The following GMDS variants were observed in gnomAD, a reference collection of about 807,000 sequenced individuals.
GMDS encodes the protein GDP-mannose 4,6-dehydratase, also known as GDP-mannose 4,6 dehydratase.
GMDS carries 20 observed loss-of-function variants against 49.9 expected under a neutral mutation model. The ratio of observed to expected loss-of-function variants is 0.40; its 90% CI spans 0.28 to 0.58. GMDS has a LOEUF of 0.58. GMDS is among the 20% of genes least tolerant of loss of function. The pLI, the probability that GMDS is intolerant of heterozygous loss-of-function variation, is 0.42. For synonymous variants in GMDS, 177 were observed against 178.6 expected, an observed-to-expected ratio of 0.99 and a Z score of 0.07; for missense variants, 362 against 481.4, an observed-to-expected ratio of 0.75 and a Z score of 2.32.
intron 7 of GMDS, among the ~76,000 whole-genome samples, chr6:1,744,717 G>A (rs1435573439): frequency 6.6e-6 from 1 of 152,238 alleles, no homozygotes; most frequent in African/African-American, 2.4e-5. Flanking sequence ...GGCCTAGTGA[G>A]CAGCTGCTCC....
intron 1 of GMDS, among the ~76,000 whole-genome samples, chr6:2,165,743 A>G (rs1777632575): frequency 6.6e-6 from 1 of 152,252 alleles, no homozygotes. Context: ...ACAACAGAAT[A>G]TTCTCCACAG....
chr6:2,177,335 T>A (rs1257911597), intron 1 of GMDS, among the ~76,000 whole-genome samples: 1 of 151,980 alleles, frequency 6.6e-6, no homozygotes, highest in Non-Finnish European at 1.5e-5. Flanking sequence ...GACAATCAGA[T>A]GAATAAAAAC....
At chr6:1,926,297 G>A (rs1253838645) in intron 7 of GMDS, among the ~76,000 whole-genome samples, 2 of 152,164 alleles carry the variant, frequency 1.3e-5, no homozygotes, top group East Asian at 3.9e-4. Flanking sequence ...AGAGCACCCT[G>A]TAACACATGC....
chr6:1,649,794 G>C (rs1003044099), intron 9 of GMDS, among the ~76,000 whole-genome samples: 1 of 152,144 alleles, frequency 6.6e-6, no homozygotes, highest in African/African-American at 2.4e-5. Flanking sequence ...CATTTTTACT[G>C]CACTTCGAAG....
At chr6:1,744,130 T>C (rs1767394288) in intron 7 of GMDS, among the ~76,000 whole-genome samples, 1 of 152,226 alleles carries the variant, frequency 6.6e-6, no homozygotes, top group African/African-American at 2.4e-5. Flanking sequence ...AGAAAACTTC[T>C]AAAAAATAAA....
chr6:2,229,388 A>G (rs1780971147), intron 1 of GMDS, among the ~76,000 whole-genome samples: 1 of 148,382 alleles, frequency 6.7e-6, no homozygotes, highest in African/African-American at 2.5e-5. Context: ...TCTGGGCAAC[A>G]TAGAGAGACC....
At chr6:1,708,831 A>G (rs1765840229) in intron 9 of GMDS, among the ~76,000 whole-genome samples, 1 of 152,222 alleles carries the variant, frequency 6.6e-6, no homozygotes, top group African/African-American at 2.4e-5. Context: ...TGGGTTTTAA[A>G]TGTAAAAAAG....
At chr6:2,005,793 A>C (rs1767125713) in intron 4 of GMDS, among the ~76,000 whole-genome samples, 1 of 152,022 alleles carries the variant, frequency 6.6e-6, no homozygotes, top group Non-Finnish European at 1.5e-5. Context: ...ACAACATTTG[A>C]CTCAAGGAGG....
At chr6:2,045,489 C>A (rs1221104009) in intron 4 of GMDS, among the ~76,000 whole-genome samples, 1 of 151,004 alleles carries the variant, frequency 6.6e-6, no homozygotes, top group Non-Finnish European at 1.5e-5. Flanking sequence ...AATTGTAATA[C>A]TATTGCTAAG....
At chr6:1,846,249 T>C (rs749527799) in intron 7 of GMDS, among the ~76,000 whole-genome samples, 1 of 151,972 alleles carries the variant, frequency 6.6e-6, no homozygotes, top group Non-Finnish European at 1.5e-5. Context: ...TGTGCCGCCA[T>C]GTCCAGCTAA....
intron 7 of GMDS, among the ~76,000 whole-genome samples, chr6:1,777,959 C>G (rs1039132205): frequency 5.3e-5 from 8 of 152,048 alleles, no homozygotes; most frequent in African/African-American, 1.9e-4. Context: ...TGAATTCTTT[C>G]CCTAGAAATA....
At chr6:1,676,200 A>C (rs1309082220) in intron 9 of GMDS, among the ~76,000 whole-genome samples, 1 of 152,220 alleles carries the variant, frequency 6.6e-6, no homozygotes, top group Non-Finnish European at 1.5e-5. Flanking sequence ...AAAGAGAATA[A>C]AATACTTAGG....
intron 4 of GMDS, among the ~76,000 whole-genome samples, chr6:2,055,139 C>A (rs188483328): frequency 6.6e-6 from 1 of 151,130 alleles, no homozygotes; most frequent in African/African-American, 2.4e-5. Flanking sequence ...AAAGATAGAG[C>A]GATAAAAACT....
At chr6:1,851,341 T>C (rs1408986362) in intron 7 of GMDS, among the ~76,000 whole-genome samples, 2 of 152,244 alleles carry the variant, frequency 1.3e-5, no homozygotes, top group African/African-American at 4.8e-5. Flanking sequence ...AGAAAACGTG[T>C]ATTTTATTGC....
At chr6:1,861,869 T>C (rs924162803) in intron 7 of GMDS, among the ~76,000 whole-genome samples, 4 of 152,160 alleles carry the variant, frequency 2.6e-5, no homozygotes, top group Non-Finnish European at 4.4e-5. Flanking sequence ...AGTGAGTAGA[T>C]AGCAAAGTCT....
intron 1 of GMDS, among the ~76,000 whole-genome samples, chr6:2,150,623 TA>T (rs1437887369): frequency 6.6e-6 from 1 of 152,204 alleles, no homozygotes; most frequent in African/African-American, 2.4e-5. Context: ...AAGTAATCTC[TA>T]AAATTATTTC....
At chr6:1,654,857 T>C (rs1216657642) in intron 9 of GMDS, among the ~76,000 whole-genome samples, 2 of 151,926 alleles carry the variant, frequency 1.3e-5, no homozygotes, top group Admixed American at 6.6e-5. Context: ...GGTCAAGAGA[T>C]TGAGACTATC....
chr6:2,063,350 A>G (rs1020143687), intron 4 of GMDS, among the ~76,000 whole-genome samples: 2 of 152,206 alleles, frequency 1.3e-5, no homozygotes, highest in African/African-American at 4.8e-5. Context: ...CTGAAACGGT[A>G]AGATCTGTTG....
intron 7 of GMDS, among the ~76,000 whole-genome samples, chr6:1,828,373 T>G (rs1425094973): frequency 6.6e-6 from 1 of 152,132 alleles, no homozygotes; most frequent in Non-Finnish European, 1.5e-5. Flanking sequence ...GGCCAGAAAG[T>G]GTATTTGAAG....
Sources: allele counts gnomAD v4.1 joint callset (sites outside exome capture counted in the v4.1 genomes callset), GRCh38; gene constraint gnomAD v4.1.1; transcripts MANE v1.5; gene names NCBI Gene and HGNC (gene_info 2026-07-23, HGNC 2026-07-21).